Variants in RBFOX1 observed in about 807,000 individuals in gnomAD.
RBFOX1 encodes the protein RNA binding fox-1 homolog 1.
RBFOX1 carries 8 observed loss-of-function variants against 57.7 expected under a neutral mutation model. The ratio of observed to expected loss-of-function variants is 0.14; its 90% CI spans 0.08 to 0.25. The LOEUF (loss-of-function observed/expected upper bound fraction) is 0.25. Ranked by LOEUF, RBFOX1 falls within the 10% of genes least tolerant of loss-of-function variation. The pLI is 1.00. For missense variants in RBFOX1, 611 were observed against 548.5 expected (o/e 1.11, Z -1.14); for synonymous variants, 326 against 222.4 (o/e 1.47, Z -4.15).
chr16:7,564,807 C>T (rs1025026024), intron 5 of RBFOX1, among the ~76,000 whole-genome samples: 3 of 151,984 alleles, frequency 2.0e-5, no homozygotes, highest in Non-Finnish European at 4.4e-5. Context: ...TATTTTTTTC[C>T]CAAGGAATAA....
At chr16:6,180,355 G>T (rs970310673) in intron 1 of RBFOX1, among the ~76,000 whole-genome samples, 1 of 151,642 alleles carries the variant, frequency 6.6e-6, no homozygotes, top group Non-Finnish European at 1.5e-5. Flanking sequence ...TTGGTAGTTT[G>T]TGTCTTTCCA....
At chr16:7,249,932 G>A (rs1036633399) in intron 4 of RBFOX1, among the ~76,000 whole-genome samples, 1 of 152,204 alleles carries the variant, frequency 6.6e-6, no homozygotes, top group African/African-American at 2.4e-5. Context: ...CAACAGTAGT[G>A]TTTAAGAGAC....
chr16:5,650,326 CGGT>C (rs532668887), intron 3 of RBFOX1, among the ~76,000 whole-genome samples: 6 of 141,728 alleles, frequency 4.2e-5, no homozygotes, highest in Admixed American at 6.9e-5. Flanking sequence ...GCAGCCACGG[CGGT>C]GGTGGTGGTG....
intron 2 of RBFOX1, among the ~76,000 whole-genome samples, chr16:6,339,236 G>T (rs1171797312): frequency 6.6e-6 from 1 of 152,214 alleles, no homozygotes. Context: ...TGTCCTTAGA[G>T]GTGGGACTTT....
intron 1 of RBFOX1, among the ~76,000 whole-genome samples, chr16:6,190,609 C>T (rs554812830): frequency 6.6e-6 from 1 of 152,118 alleles, no homozygotes; most frequent in Non-Finnish European, 1.5e-5. Flanking sequence ...GATATATCGT[C>T]GATGGTACTA....
At chr16:5,740,092 C>G (rs904061289) in intron 3 of RBFOX1, among the ~76,000 whole-genome samples, 1 of 152,112 alleles carries the variant, frequency 6.6e-6, no homozygotes, top group African/African-American at 2.4e-5. Flanking sequence ...GGCAGTGGAG[C>G]CTCGTCCTGG....
At chr16:6,472,780 G>C (rs964578721) in intron 2 of RBFOX1, among the ~76,000 whole-genome samples, 1 of 151,902 alleles carries the variant, frequency 6.6e-6, no homozygotes, top group Non-Finnish European at 1.5e-5. Context: ...GCGCCACCAT[G>C]CCCAGCTGTT....
intron 3 of RBFOX1, among the ~76,000 whole-genome samples, chr16:6,710,967 T>TC (rs2063611171): frequency 6.6e-6 from 1 of 152,052 alleles, no homozygotes; most frequent in African/African-American, 2.4e-5. Context: ...GGAGTGCAAT[T>TC]CCCCAAAGAA....
intron 1 of RBFOX1, among the ~76,000 whole-genome samples, chr16:5,430,901 G>A (rs1192591917): frequency 1.3e-5 from 2 of 152,208 alleles, no homozygotes; most frequent in Non-Finnish European, 2.9e-5. Context: ...AATAAAAAGA[G>A]ACAGTTTATA....
intron 4 of RBFOX1, among the ~76,000 whole-genome samples, chr16:6,000,803 AGGTGGGTGGATGAGTT>A (rs2060585683): frequency 1.9e-5 from 2 of 106,344 alleles, no homozygotes; most frequent in South Asian, 3.6e-4. Context: ...GTAGATGGTT[AGGTGGGTGGATGAGTT>A]GGTGGGTGGA....
chr16:6,060,519 G>C (rs2095671700), intron 1 of RBFOX1, among the ~76,000 whole-genome samples: 1 of 152,118 alleles, frequency 6.6e-6, no homozygotes, highest in Non-Finnish European at 1.5e-5. Flanking sequence ...CTTTCACAGA[G>C]TGTATTTTCA....
chr16:7,362,664 TGTTA>T (rs111374845), intron 4 of RBFOX1, among the ~76,000 whole-genome samples: 6,310 of 152,082 alleles, frequency 0.041, 268 homozygotes, highest in East Asian at 0.15. Context: ...ATGTTTTTTA[TGTTA>T]GTTTGCATAT....
At chr16:6,831,314 G>T (rs532345265) in intron 3 of RBFOX1, among the ~76,000 whole-genome samples, 1 of 152,164 alleles carries the variant, frequency 6.6e-6, no homozygotes, top group South Asian at 2.1e-4. Flanking sequence ...CAACTTCTTG[G>T]ACTCTCCTGT....
intron 1 of RBFOX1, among the ~76,000 whole-genome samples, chr16:5,397,927 G>C (rs903721284): frequency 5.3e-5 from 8 of 152,200 alleles, no homozygotes; most frequent in Admixed American, 5.2e-4. Flanking sequence ...TATGTGCCAC[G>C]TGCTTGCTGA....
intron 1 of RBFOX1, among the ~76,000 whole-genome samples, chr16:5,311,235 TCA>T (rs916609113): frequency 1.3e-5 from 2 of 152,182 alleles, no homozygotes; most frequent in Non-Finnish European, 2.9e-5. Context: ...TACATACATA[TCA>T]CATATATCAC....
At chr16:6,833,167 T>TA (rs1467179923) in intron 3 of RBFOX1, among the ~76,000 whole-genome samples, 1 of 151,718 alleles carries the variant, frequency 6.6e-6, no homozygotes, top group Admixed American at 6.6e-5. Context: ...TATTTTATTT[T>TA]TATTTATTTA....
intron 3 of RBFOX1, among the ~76,000 whole-genome samples, chr16:7,033,020 A>G (rs2153694371): frequency 6.6e-6 from 1 of 152,326 alleles, no homozygotes; most frequent in South Asian, 2.1e-4. Context: ...AAATAGCAGG[A>G]GCACCTACTG....
At chr16:7,704,637 A>G (rs1049987418) in intron 14 of RBFOX1, among the ~76,000 whole-genome samples, 3 of 152,190 alleles carry the variant, frequency 2.0e-5, no homozygotes, top group Non-Finnish European at 4.4e-5. Context: ...CCCAGCCTCC[A>G]TGGAGTTCTC....
At chr16:6,269,748 A>C (rs950953922) in intron 1 of RBFOX1, among the ~76,000 whole-genome samples, 4 of 152,198 alleles carry the variant, frequency 2.6e-5, no homozygotes, top group African/African-American at 4.8e-5. Flanking sequence ...GAAATTTTCT[A>C]AACAGAAAGG....
Sources: gnomAD v4.1 joint callset for allele counts (sites outside exome capture counted in the v4.1 genomes callset) on GRCh38, gnomAD v4.1.1 for gene constraint, MANE v1.5 for transcripts, NCBI Gene and HGNC (gene_info 2026-07-23, HGNC 2026-07-21) for gene names.